The following ADAMTS12 variants were observed in gnomAD, a reference collection of about 807,000 sequenced individuals.
ADAMTS12 encodes ADAM metallopeptidase with thrombospondin type 1 motif 12, also known as A disintegrin and metalloproteinase with thrombospondin motifs 12.
Under a neutral mutation model 167.8 loss-of-function variants are expected in ADAMTS12, and 118 were observed. That is an observed-to-expected ratio of 0.70 (90% CI 0.61 to 0.82). The LOEUF is 0.82. ADAMTS12 is among the 40% of genes least tolerant of loss of function. The pLI, the probability that ADAMTS12 is intolerant of heterozygous loss-of-function variation, is 0.00. For synonymous variants in ADAMTS12, 704 were observed against 716.9 expected, an observed-to-expected ratio of 0.98 and a Z score of 0.29; for missense variants, 1,916 against 1,998.8, an observed-to-expected ratio of 0.96 and a Z score of 0.79.
intron 18 of ADAMTS12, among the ~76,000 whole-genome samples, chr5:33,577,622 A>G (rs1049933048): frequency 1.3e-5 from 2 of 152,330 alleles, no homozygotes; most frequent in African/African-American, 2.4e-5. Flanking sequence ...GAAAGCAACT[A>G]TCATAACTCA....
chr5:33,891,106 A>G (rs565405282), intron 1 of ADAMTS12, among the ~76,000 whole-genome samples: 5 of 152,354 alleles, frequency 3.3e-5, no homozygotes, highest in African/African-American at 9.6e-5. Context: ...GCTTCCTACA[A>G]TAACATGAGT....
chr5:33,719,806 T>A (rs1743744819), intron 3 of ADAMTS12, among the ~76,000 whole-genome samples: 1 of 152,336 alleles, frequency 6.6e-6, no homozygotes, highest in East Asian at 1.9e-4. Flanking sequence ...GAAGTTACTA[T>A]AACAGATGGA....
chr5:33,707,402 T>C (rs1051126449), intron 3 of ADAMTS12, among the ~76,000 whole-genome samples: 1 of 152,116 alleles, frequency 6.6e-6, no homozygotes, highest in African/African-American at 2.4e-5. Context: ...GATTTAATGT[T>C]ATTGCCATCA....
At chr5:33,768,719 T>C (rs550991233) in intron 2 of ADAMTS12, among the ~76,000 whole-genome samples, 2 of 152,258 alleles carry the variant, frequency 1.3e-5, no homozygotes, top group African/African-American at 2.4e-5. Flanking sequence ...AATGGAAAAA[T>C]AGAATCCCAC....
intron 19 of ADAMTS12, among the ~76,000 whole-genome samples, chr5:33,563,167 T>G (rs574588437): frequency 3.3e-4 from 51 of 152,314 alleles, no homozygotes; most frequent in African/African-American, 1.1e-3. Flanking sequence ...CTTTCTTCTT[T>G]GTATCATATT....
chr5:33,796,294 C>G (rs1479365356), intron 2 of ADAMTS12, among the ~76,000 whole-genome samples: 1 of 152,304 alleles, frequency 6.6e-6, no homozygotes, highest in Non-Finnish European at 1.5e-5. Context: ...CACTACTGTG[C>G]AAACTTTAGA....
rs200678323 is a variant in ADAMTS12 at position 33,648,989 on chromosome 5, G to A, written c.1335-23C>T. ...CGGCTGAAAACAAGTTAACAGAAAT[G>A]AGAGGAGTTGTTTAGGATTCCCTTT... On this transcript the variant is annotated intron_variant, in intron 8 of 23. Transcript: ENST00000504830. 544 of 1,611,282 alleles carry A rather than the reference G, an allele frequency of 3.4e-4. 1 individual carries two copies. In the African/African-American group the frequency reaches 6.5e-3, roughly 19 times the overall value.
chr5:33,613,111 T>C (rs929917536), intron 16 of ADAMTS12, among the ~76,000 whole-genome samples: 1 of 152,168 alleles, frequency 6.6e-6, no homozygotes, highest in African/African-American at 2.4e-5. Context: ...CTCCATTCAC[T>C]TGCTTCAGTT....
At chr5:33,848,919 T>A (rs980149481) in intron 2 of ADAMTS12, among the ~76,000 whole-genome samples, 1 of 151,748 alleles carries the variant, frequency 6.6e-6, no homozygotes, top group East Asian at 1.9e-4. Flanking sequence ...GATATATATA[T>A]ATCGTGGTGT....
intron 11 of ADAMTS12, 57 bp from the exon 12 acceptor site, chr5:33,637,803 T>C: frequency 6.4e-7 from 1 of 1,567,154 alleles, no homozygotes; most frequent in Non-Finnish European, 8.7e-7. Flanking sequence ...AGCACTTTCC[T>C]TTAAAACTCC....
intron 2 of ADAMTS12, among the ~76,000 whole-genome samples, chr5:33,794,216 G>T (rs1746684965): frequency 6.6e-6 from 1 of 152,172 alleles, no homozygotes; most frequent in African/African-American, 2.4e-5. Context: ...GTGTGTGCTT[G>T]GGAGAGGAGG....
intron 19 of ADAMTS12, among the ~76,000 whole-genome samples, chr5:33,571,383 T>G (rs1264585097): frequency 6.6e-6 from 1 of 151,744 alleles, no homozygotes; most frequent in Non-Finnish European, 1.5e-5. Context: ...GAACAGAAAT[T>G]ATAACAAACT....
intron 20 of ADAMTS12, among the ~76,000 whole-genome samples, chr5:33,560,251 A>G (rs1466410640): frequency 6.6e-6 from 1 of 152,210 alleles, no homozygotes; most frequent in African/African-American, 2.4e-5. Flanking sequence ...GGTAATGCCC[A>G]TGATTTGCTC....
intron 23 of ADAMTS12, among the ~76,000 whole-genome samples, chr5:33,532,966 T>G (rs1744190042): frequency 6.6e-6 from 1 of 152,216 alleles, no homozygotes; most frequent in Non-Finnish European, 1.5e-5. Context: ...TTCTTTCATT[T>G]TCCTTCTATG....
In ADAMTS12 at chr5:33,732,360, T is replaced by TA. The variant is rs570192600; in HGVS notation, c.634+19043dup. Reference sequence around the variant, plus strand: ...AATGAAAATCTTACATAAGAAGAGATAAAAAAATTAAAGATGAAAACAGAA... The same window carrying TA: ...AATGAAAATCTTACATAAGAAGAGATAAAAAAAATTAAAGATGAAAACAGAA... On this transcript the variant is annotated intron_variant, in intron 3 of 23. Transcript: ENST00000504830. 6.7e-3 allele frequency among the ~76,000 whole-genome samples: 1,026 copies of TA among 152,140 alleles called. 11 individuals carry two copies. The highest frequency in any genetic ancestry group is 0.024 in the African/African-American group (991 of 41,512).
chr5:33,532,603 T>C (rs1190226890), intron 23 of ADAMTS12, among the ~76,000 whole-genome samples: 1 of 152,124 alleles, frequency 6.6e-6, no homozygotes, highest in Non-Finnish European at 1.5e-5. Context: ...AAGAATGTAA[T>C]GCTGAGAATA....
At chr5:33,797,683 G>A (rs1489535261) in intron 2 of ADAMTS12, among the ~76,000 whole-genome samples, 2 of 152,054 alleles carry the variant, frequency 1.3e-5, no homozygotes, top group Non-Finnish European at 2.9e-5. Context: ...TACTTGGGTT[G>A]TCGTAAGGAT....
chr5:33,765,467 G>A (rs1266755628), intron 2 of ADAMTS12, among the ~76,000 whole-genome samples: 30 of 152,096 alleles, frequency 2.0e-4, no homozygotes, highest in Admixed American at 5.2e-4. Context: ...TTTGCATCTG[G>A]ATACAAGTTT....
intron 23 of ADAMTS12, among the ~76,000 whole-genome samples, chr5:33,534,415 T>G (rs958296174): frequency 5.9e-5 from 9 of 152,190 alleles, no homozygotes; most frequent in Admixed American, 3.9e-4. Flanking sequence ...AGAGCCTGCT[T>G]CTGGGGGACC....
Sources: allele counts gnomAD v4.1 joint callset (sites outside exome capture counted in the v4.1 genomes callset), GRCh38; gene constraint gnomAD v4.1.1; transcripts MANE v1.5; gene names NCBI Gene and HGNC (gene_info 2026-07-23, HGNC 2026-07-21).